Variants in MRPL3 observed in about 807,000 individuals in gnomAD.
The protein encoded by MRPL3 is large ribosomal subunit protein uL3m.
A neutral mutation model predicts 44.3 loss-of-function variants in MRPL3; 43 were observed. That is an observed-to-expected ratio of 0.97 (90% CI 0.76 to 1.25). The LOEUF (loss-of-function observed/expected upper bound fraction) is 1.25. Ranked by LOEUF, MRPL3 falls within the 50% of genes most tolerant of loss-of-function variation. The pLI is 0.00. For synonymous variants in MRPL3, 171 were observed against 152.3 expected (o/e 1.12, Z -0.91); for missense variants, 406 against 427.6 (o/e 0.95, Z 0.45).
At chr3:131,467,568 G>C (rs1933639427) in intron 9 of MRPL3, among the ~76,000 whole-genome samples, 1 of 151,980 alleles carries the variant, frequency 6.6e-6, no homozygotes, top group Admixed American at 6.6e-5. Context: ...GTTCTCACAA[G>C]ATCTTGTTTA....
In MRPL3 at chr3:131,500,476, G is replaced by A; in HGVS notation, c.323C>T (p.Pro108Leu). Residue 108 changes from proline to leucine, a missense_variant, in exon 3 of 10, where the codon CCT becomes CTT. Physicochemically the swap from Pro to Leu is moderately conservative, Grantham distance 98. Transcript: ENST00000264995. ...GLIALKLGMM[P>L]LWTKDGQKHV... is the part of the protein sequence containing the mutation. ...CTTTTGACCATCCTTGGTCCATAAA[G>A]GCATCATGCCCAGCTTCAAGGCAAT... 6.2e-7 allele frequency: 1 copy of A among 1,613,884 alleles called. No individual in the cohort carries two copies. Among genetic ancestry groups the A allele is most frequent in the South Asian group, 1.1e-5 (1 of 91,078 alleles).
intron 5 of MRPL3, among the ~76,000 whole-genome samples, chr3:131,488,208 T>C (rs372292311): frequency 1.3e-5 from 2 of 152,182 alleles, no homozygotes; most frequent in African/African-American, 4.8e-5. Context: ...ATGACATCTA[T>C]ATAAAGCCTC....
intron 9 of MRPL3, among the ~76,000 whole-genome samples, chr3:131,466,711 T>G (rs1933615792): frequency 1.3e-5 from 2 of 149,494 alleles, no homozygotes; most frequent in African/African-American, 2.4e-5. Context: ...GGGGGCAGGG[T>G]TTACTTATAA....
chr3:131,474,061 T>C (rs540100376), intron 6 of MRPL3, among the ~76,000 whole-genome samples: 1 of 152,264 alleles, frequency 6.6e-6, no homozygotes, highest in Admixed American at 6.5e-5. Context: ...ATGGGGTAGA[T>C]ATCCAAAGGA....
Position 131,462,721 on chromosome 3 carries a change from T to A in MRPL3, c.*2A>T. 1 of 1,610,530 alleles carries A rather than the reference T, an allele frequency of 6.2e-7. No individual in the cohort carries two copies. ...TGTAAGGTTCTGCCACGTCCAAAGA[T>A]GTTAGGCAAATGTAATAGAAGGCGC... is the stretch of plus-strand genomic sequence containing the variant. On this transcript the variant is annotated 3_prime_UTR_variant, in exon 10 of 10. Coordinates refer to ENST00000264995, the MANE Select transcript of MRPL3 (RefSeq NM_007208.4).
At position 131,498,196 on chromosome 3, in the gene MRPL3, T is replaced by G; in HGVS notation, c.451A>C (p.Thr151Pro). 6 of 1,606,072 alleles carry G rather than the reference T, an allele frequency of 3.7e-6. No individual in the cohort carries two copies. Among genetic ancestry groups the G allele is most frequent in the Non-Finnish European group, 5.1e-6 (6 of 1,172,986 alleles). Residue 151 changes from threonine (T) to proline (P), a missense_variant, in exon 4 of 10, where the codon ACT (threonine) becomes CCT (proline). Physicochemically the swap from Thr to Pro is conservative, Grantham distance 38. Coordinates refer to ENST00000264995, the MANE Select transcript of MRPL3 (RefSeq NM_007208.4). Reference sequence around the variant, plus strand: ...ATCCTTACACGAAAACGTGATACAGTTTTTCCTCCTACAGACAGGGTTGCC... The same window carrying G: ...ATCCTTACACGAAAACGTGATACAGGTTTTCCTCCTACAGACAGGGTTGCC... ...KMATLSVGGKTVSRFRKATSI... is the reference protein window; with the variant it reads ...KMATLSVGGKPVSRFRKATSI...
At chr3:131,497,517 G>A (rs1934397464) in intron 4 of MRPL3, among the ~76,000 whole-genome samples, 1 of 152,204 alleles carries the variant, frequency 6.6e-6, no homozygotes, top group Non-Finnish European at 1.5e-5. Flanking sequence ...ATGTGTTATA[G>A]TAAACCTAAA....
At chr3:131,489,304 G>C (rs948789015) in intron 5 of MRPL3, among the ~76,000 whole-genome samples, 1 of 151,858 alleles carries the variant, frequency 6.6e-6, no homozygotes, top group Non-Finnish European at 1.5e-5. Context: ...ATTCTACCTT[G>C]TATCAAGGCT....
At chr3:131,500,345 A>T in intron 3 of MRPL3, 85 bp downstream of exon 3, 1 of 1,061,022 alleles carries the variant, frequency 9.4e-7, no homozygotes, top group Non-Finnish European at 1.5e-6. Flanking sequence ...TCCATGTTTC[A>T]GGACACAAAT....
At chr3:131,477,258 T>C (rs915658695) in intron 6 of MRPL3, among the ~76,000 whole-genome samples, 5 of 152,208 alleles carry the variant, frequency 3.3e-5, no homozygotes, top group African/African-American at 1.2e-4. Context: ...AACCCATCCA[T>C]TCTGTGTCCT....
At chr3:131,499,810 T>C (rs539708251) in intron 3 of MRPL3, among the ~76,000 whole-genome samples, 2 of 152,274 alleles carry the variant, frequency 1.3e-5, no homozygotes, top group East Asian at 3.9e-4. Context: ...CACTTAACAT[T>C]GTTTCAAGTG....
At chr3:131,495,422 A>G (rs896369400) in intron 4 of MRPL3, among the ~76,000 whole-genome samples, 6 of 152,102 alleles carry the variant, frequency 3.9e-5, no homozygotes, top group Non-Finnish European at 8.8e-5. Flanking sequence ...GGACTTAGAA[A>G]TTTTATATCT....
In MRPL3 at chr3:131,462,573, G is replaced by T. The variant is rs1266258010; in HGVS notation, c.*150C>A. 6.6e-6 allele frequency: 4 copies of T among 602,150 alleles called. No homozygotes were observed. The Admixed American group carries it at 1.5e-4, about 22-fold the overall frequency. 37.3% of individuals were successfully genotyped at this position (602,150 alleles called of 1,614,324 possible). On this transcript the variant is annotated 3_prime_UTR_variant, in exon 10 of 10. Transcript: ENST00000264995. ...ATTTTTCTAACAAAATTTAATGGGG[G>T]TATGAATGATATATTTATGCCCTTG...
At chr3:131,476,267 T>C (rs1448856058) in intron 6 of MRPL3, among the ~76,000 whole-genome samples, 2 of 151,996 alleles carry the variant, frequency 1.3e-5, no homozygotes, top group Non-Finnish European at 2.9e-5. Context: ...AAAACACAAA[T>C]AACATGACAA....
chr3:131,500,496 G>A lies in MRPL3; in HGVS notation c.303C>T (p.Ala101=), dbSNP rs756946648. ...EPGSFRVGLI[A]LKLGMMPLWT... ...ATAAAGGCATCATGCCCAGCTTCAA[G>A]GCAATAAGACCAACTCTAAAGGAAC... The change falls in exon 3 of 10, where the codon GCC becomes GCT. Residue 101 remains alanine, a synonymous_variant. Transcript: ENST00000264995. The A allele has an allele frequency of 6.2e-7, 1 of 1,613,800 alleles. No individual in the cohort carries two copies. The highest frequency in any genetic ancestry group is 8.5e-7 in the Non-Finnish European group (1 of 1,179,850).
intron 4 of MRPL3, among the ~76,000 whole-genome samples, chr3:131,493,333 CA>C (rs1440060854): frequency 6.6e-6 from 1 of 152,156 alleles, no homozygotes; most frequent in Non-Finnish European, 1.5e-5. Flanking sequence ...ATTTCCTATC[CA>C]GATCCCTCTC....
At chr3:131,495,859 C>G (rs1489588892) in intron 4 of MRPL3, among the ~76,000 whole-genome samples, 1 of 152,072 alleles carries the variant, frequency 6.6e-6, no homozygotes, top group Admixed American at 6.6e-5. Flanking sequence ...ACTTTCAGAA[C>G]TGGAAGATAA....
intron 6 of MRPL3, among the ~76,000 whole-genome samples, chr3:131,474,275 G>T (rs1452289789): frequency 6.6e-6 from 1 of 152,150 alleles, no homozygotes; most frequent in East Asian, 1.9e-4. Context: ...ATTATGTTAA[G>T]TGAAATATAC....
At chr3:131,501,845 T>A (rs1265057022) in intron 1 of MRPL3, 130 bp from the exon 2 acceptor site, 6 of 1,560,240 alleles carry the variant, frequency 3.8e-6, no homozygotes, top group South Asian at 2.3e-5. Context: ...TCTGTATACC[T>A]TTTTTTCAGG....
Sources: gnomAD v4.1 joint callset for allele counts (sites outside exome capture counted in the v4.1 genomes callset) on GRCh38, gnomAD v4.1.1 for gene constraint, MANE v1.5 for transcripts, NCBI Gene and HGNC (gene_info 2026-07-23, HGNC 2026-07-21) for gene names.